RNF146: variants seen among roughly 807,000 people sequenced by gnomAD.
The protein encoded by RNF146 is ring finger protein 146.
A neutral mutation model predicts 29.7 loss-of-function variants in RNF146; 11 were observed. The ratio of observed to expected loss-of-function variants is 0.37; its 90% confidence interval spans 0.23 to 0.61. RNF146 has a LOEUF of 0.61. RNF146 is among the 20% of genes least tolerant of loss of function. The probability of loss-of-function intolerance (pLI) is 0.66; values close to 1 mark genes in which losing one functional copy is unlikely to be tolerated. For synonymous variants in RNF146, 150 were observed against 159.7 expected, an observed-to-expected ratio of 0.94 and a Z score of 0.46; for missense variants, 342 against 438.9, an observed-to-expected ratio of 0.78 and a Z score of 1.97.
intron 2 of RNF146, chr6:127,280,831 C>T (rs927831051): frequency 2.0e-5 from 3 of 151,966 alleles, no homozygotes; most frequent in Admixed American, 6.6e-5. Flanking sequence ...CCCAGTTTTA[C>T]TAGTTGTGCT....
chr6:127,273,903 G>C (rs1219727359), intron 1 of RNF146, among the ~76,000 whole-genome samples: 1 of 152,096 alleles, frequency 6.6e-6, no homozygotes, highest in Non-Finnish European at 1.5e-5. Flanking sequence ...GAACATAACT[G>C]GACTAGAGGA....
chr6:127,282,704 G>T (rs1275195483), intron 2 of RNF146, among the ~76,000 whole-genome samples: 2 of 151,510 alleles, frequency 1.3e-5, no homozygotes, highest in East Asian at 3.9e-4. Flanking sequence ...ACCTCCTCCT[G>T]CATTACCAAA....
rs77946709 is a variant in RNF146, at chr6:127,272,187, T to C, written c.-109+5262T>C. Among the ~76,000 whole-genome samples, 75 of 152,302 alleles carry C rather than the reference T, an allele frequency of 4.9e-4. No homozygotes were observed. In the East Asian group the frequency reaches 0.014, roughly 28 times the overall value. ...ATTTGTGAAATAGGTATAGTCATAT[T>C]TCACAGGGTTGTTTTGAGGATTCAG... On this transcript the variant is annotated intron_variant, in intron 1 of 2. Coordinates refer to ENST00000368314, the MANE Select transcript of RNF146 (RefSeq NM_001242850.2).
Position 127,286,581 on chromosome 6 carries a change from AAC to A in RNF146, c.3-33_3-32del, listed in dbSNP as rs1455027148. On this transcript the variant is annotated intron_variant, in intron 2 of 2. Coordinates refer to ENST00000368314, the MANE Select transcript of RNF146 (RefSeq NM_001242850.2). The surrounding 1 kb of genome is among the most constrained non-coding windows in gnomAD (Gnocchi z 4.6). ...TAAATTAAGATATTGCAAGAATTAA[AAC>A]ATGACTTTAATATTATATGTATTTT... 25 of 1,541,866 alleles carry A rather than the reference AAC, an allele frequency of 1.6e-5. No individual in the cohort carries two copies. The highest frequency in any genetic ancestry group is 2.2e-5 in the Non-Finnish European group (25 of 1,138,450).
intron 1 of RNF146, among the ~76,000 whole-genome samples, chr6:127,269,113 C>T (rs1435280808): frequency 1.3e-5 from 2 of 152,198 alleles, no homozygotes; most frequent in Non-Finnish European, 2.9e-5. Context: ...GAAACAACAT[C>T]TTTGTGGATA....
Position 127,286,270 on chromosome 6 carries a change from A to G in RNF146, c.3-346A>G. On this transcript the variant is annotated intron_variant, in intron 2 of 2. Coordinates refer to ENST00000368314, the MANE Select transcript of RNF146 (RefSeq NM_001242850.2). The surrounding 1 kb of genome is among the most constrained non-coding windows in gnomAD (Gnocchi z 4.6). ...ACTCAGATTTTTAGATTTCTTGTCT[A>G]GCATTCATTTCACTGTATAATAGCT... 1 of 986,524 alleles carries G rather than the reference A, an allele frequency of 1.0e-6. No homozygotes were observed. Among genetic ancestry groups the G allele is most frequent in the Non-Finnish European group, 1.3e-6 (1 of 763,228 alleles). The allele number at this position is 986,524 out of a possible 1,614,324, so 61.1% of individuals were successfully genotyped here.
rs1779819889 is a variant in RNF146, at chr6:127,288,560, A to AACATGTATGG, written c.*868_*869insCATGTATGGA. 1 of 166,896 alleles carries AACATGTATGG rather than the reference A, an allele frequency of 6.0e-6. No homozygotes were observed. Among genetic ancestry groups the AACATGTATGG allele is most frequent in the African/African-American group, 2.4e-5 (1 of 41,434 alleles). 10.3% of individuals were successfully genotyped at this position (166,896 alleles called of 1,614,324 possible). A position where few individuals can be genotyped will look rare whatever the true frequency, so the allele number is the denominator to read the frequency against. On this transcript the variant is annotated 3_prime_UTR_variant, in exon 3 of 3. Coordinates refer to ENST00000368314, the MANE Select transcript of RNF146 (RefSeq NM_001242850.2). ...TATATAATAAACATGTATGGAAATA[A>AACATGTATGG]AACTAAAGCCTGTGAGACTTAAAAT...
chr6:127,269,347 C>T (rs2114402267), intron 1 of RNF146, among the ~76,000 whole-genome samples: 2 of 152,232 alleles, frequency 1.3e-5, no homozygotes, highest in South Asian at 4.1e-4. Flanking sequence ...AGATAATTTG[C>T]CAAAGAGCTT....
chr6:127,276,257 C>T (rs932740925), intron 1 of RNF146, among the ~76,000 whole-genome samples: 3 of 151,942 alleles, frequency 2.0e-5, no homozygotes, highest in South Asian at 2.1e-4. Flanking sequence ...GAACAATAGT[C>T]CAGGTGAGAG....
chr6:127,277,597 A>C (rs1028507850), intron 1 of RNF146, among the ~76,000 whole-genome samples: 138 of 152,142 alleles, frequency 9.1e-4, no homozygotes, highest in African/African-American at 3.2e-3. Context: ...AAACTGAAGA[A>C]CTTGGAGTCT....
At chr6:127,275,712 A>T (rs887076843) in intron 1 of RNF146, among the ~76,000 whole-genome samples, 1 of 152,130 alleles carries the variant, frequency 6.6e-6, no homozygotes, top group Non-Finnish European at 1.5e-5. Context: ...AATGGTAGAG[A>T]TAACCATTTC....
intron 2 of RNF146, chr6:127,285,105 A>G (rs979917868): frequency 1.8e-5 from 11 of 612,668 alleles, no homozygotes; most frequent in Middle Eastern, 1.6e-3. Flanking sequence ...TAATTTGGAA[A>G]TTAAACATTT....
rs181923214 is a variant in RNF146, at chr6:127,279,120, T to C, written c.-108-1111T>C. 1.3e-3 allele frequency among the ~76,000 whole-genome samples: 200 copies of C among 152,072 alleles called. 2 individuals are homozygous for C. The highest frequency in any genetic ancestry group is 0.01 in the Admixed American group (160 of 15,252). On this transcript the variant is annotated intron_variant, in intron 1 of 2. Transcript: ENST00000368314. ...ACAGTGTCTTTTGATGCACAAAAAT[T>C]TTAAACTTATATAAAGCCCAATTTA...
Position 127,286,239 on chromosome 6 carries a change from T to C in RNF146, c.3-377T>C. On this transcript the variant is annotated intron_variant, in intron 2 of 2. Transcript: ENST00000368314. This position sits in a 1 kb window ranked among gnomAD's most constrained non-coding sequence, Gnocchi z 4.6. ...TAAGAGCACATAATTAATAAAGGAC[T>C]CTAAAACTCAGATTTTTAGATTTCT... 8.5e-7 allele frequency: 1 copy of C among 1,169,912 alleles called. No individual in the cohort carries two copies. Among genetic ancestry groups the C allele is most frequent in the Non-Finnish European group, 1.1e-6 (1 of 930,514 alleles). 72.5% of individuals were successfully genotyped at this position (1,169,912 alleles called of 1,614,324 possible). A position where few individuals can be genotyped will look rare whatever the true frequency, so the allele number is the denominator to read the frequency against.
At chr6:127,269,704 A>G (rs1302439648) in intron 1 of RNF146, among the ~76,000 whole-genome samples, 1 of 152,180 alleles carries the variant, frequency 6.6e-6, no homozygotes, top group East Asian at 1.9e-4. Context: ...TAGGGCATTT[A>G]GTTACATCTC....
At chr6:127,268,214 C>A (rs1472509646) in intron 1 of RNF146, among the ~76,000 whole-genome samples, 1 of 152,132 alleles carries the variant, frequency 6.6e-6, no homozygotes, top group Non-Finnish European at 1.5e-5. Flanking sequence ...CCCCCCACCT[C>A]GTGTGTGTAC....
chr6:127,273,199 A>T lies in RNF146; in HGVS notation c.-109+6274A>T, dbSNP rs1435179420. ...ACACAAGAACAAGAGATTACATTTT[A>T]CTCCAATACATGCAGAGATGATTAG... On this transcript the variant is annotated intron_variant, in intron 1 of 2. Transcript: ENST00000368314. Among the ~76,000 whole-genome samples, 7 of 152,196 alleles carry T rather than the reference A, an allele frequency of 4.6e-5. No homozygotes were observed. The South Asian group carries it at 8.3e-4, about 18-fold the overall frequency.
intron 2 of RNF146, among the ~76,000 whole-genome samples, chr6:127,280,949 T>C (rs1433846330): frequency 6.6e-6 from 1 of 151,720 alleles, no homozygotes; most frequent in East Asian, 1.9e-4. Flanking sequence ...TATGAATATA[T>C]TTCTGTTTTC....
At chr6:127,271,170 T>C (rs1034912976) in intron 1 of RNF146, among the ~76,000 whole-genome samples, 2 of 152,184 alleles carry the variant, frequency 1.3e-5, no homozygotes, top group Admixed American at 1.3e-4. Flanking sequence ...AAGAAAACAA[T>C]ATATAATACA....
Sources: gnomAD v4.1 joint callset for allele counts (sites outside exome capture counted in the v4.1 genomes callset) on GRCh38, gnomAD v4.1.1 for gene constraint, Gnocchi (gnomAD v3.1) non-coding constraint, MANE v1.5 for transcripts, NCBI Gene and HGNC (gene_info 2026-07-23, HGNC 2026-07-21) for gene names.